CADPS2: variants seen among roughly 807,000 people sequenced by gnomAD.
CADPS2 encodes calcium dependent secretion activator 2.
In CADPS2, 93 loss-of-function variants were observed where a neutral mutation model predicts 172.5. The ratio of observed to expected loss-of-function variants is 0.54; its 90% confidence interval spans 0.46 to 0.64. CADPS2 has a LOEUF of 0.64. Ranked by LOEUF, CADPS2 falls within the 30% of genes least tolerant of loss-of-function variation. The pLI, the probability that CADPS2 is intolerant of heterozygous loss-of-function variation, is 0.00. For synonymous variants in CADPS2, 546 were observed against 555.2 expected (o/e 0.98, Z 0.23); for missense variants, 1,420 against 1,565.9 (o/e 0.91, Z 1.57).
chr7:122,773,350 C>A (rs913592890), intron 1 of CADPS2, among the ~76,000 whole-genome samples: 5 of 151,908 alleles, frequency 3.3e-5, no homozygotes, highest in Non-Finnish European at 5.9e-5. Flanking sequence ...ATAAATCAAT[C>A]TTTAGAAGGT....
intron 17 of CADPS2, among the ~76,000 whole-genome samples, chr7:122,426,965 T>C (rs539211810): frequency 1.6e-4 from 24 of 152,320 alleles, no homozygotes; most frequent in Non-Finnish European, 1.8e-4. Flanking sequence ...TGGATACCTT[T>C]TAGAAAACAG....
chr7:122,336,387 T>C (rs1332083288), intron 28 of CADPS2, among the ~76,000 whole-genome samples: 1 of 152,182 alleles, frequency 6.6e-6, no homozygotes, highest in Non-Finnish European at 1.5e-5. Context: ...CTATCTGTTC[T>C]ATGAAAACAT....
At chr7:122,469,490 A>T (rs1382357900) in intron 14 of CADPS2, among the ~76,000 whole-genome samples, 1 of 152,066 alleles carries the variant, frequency 6.6e-6, no homozygotes, top group East Asian at 1.9e-4. Flanking sequence ...ACAGTTAGCC[A>T]CCCTGACTGA....
At chr7:122,392,285 C>T (rs1201842379) in intron 22 of CADPS2, among the ~76,000 whole-genome samples, 1 of 151,612 alleles carries the variant, frequency 6.6e-6, no homozygotes, top group Non-Finnish European at 1.5e-5. Context: ...GTAATAATAA[C>T]AAAAACAACA....
At chr7:122,332,477 G>A (rs1209546647) in intron 28 of CADPS2, among the ~76,000 whole-genome samples, 1 of 150,954 alleles carries the variant, frequency 6.6e-6, no homozygotes, top group Non-Finnish European at 1.5e-5. Flanking sequence ...CATATTCAGG[G>A]CAATTTTCAT....
chr7:122,462,097 AG>A (rs1480815283), intron 14 of CADPS2, among the ~76,000 whole-genome samples: 1 of 152,262 alleles, frequency 6.6e-6, no homozygotes, highest in Admixed American at 6.5e-5. Context: ...AACATTCTTC[AG>A]AAAAAAGGAA....
intron 3 of CADPS2, among the ~76,000 whole-genome samples, chr7:122,636,931 C>T (rs2077122318): frequency 6.6e-6 from 1 of 152,086 alleles, no homozygotes; most frequent in South Asian, 2.1e-4. Flanking sequence ...GGACTATATC[C>T]TCTAATGTTT....
chr7:122,460,098 T>C (rs1213675387), intron 14 of CADPS2, among the ~76,000 whole-genome samples: 6 of 152,026 alleles, frequency 3.9e-5, no homozygotes, highest in African/African-American at 1.4e-4. Context: ...AAATAATTTT[T>C]TAAATGCAAA....
chr7:122,879,332 T>C (rs1270641849), intron 1 of CADPS2, among the ~76,000 whole-genome samples: 1 of 150,596 alleles, frequency 6.6e-6, no homozygotes, highest in African/African-American at 2.5e-5. Flanking sequence ...GGTCAGGAGT[T>C]CGAGACCAGC....
intron 2 of CADPS2, among the ~76,000 whole-genome samples, chr7:122,693,030 G>A (rs775408873): frequency 2.6e-5 from 4 of 152,202 alleles, no homozygotes; most frequent in Non-Finnish European, 4.4e-5. Context: ...GTGATAACAG[G>A]TGGAGTTATA....
rs202240049 is a variant in CADPS2, at chr7:122,757,701, AACTG to A, written c.340-20637_340-20634del. Among the ~76,000 whole-genome samples the A allele has an allele frequency of 2.7e-3, 415 of 152,130 alleles. 9 individuals carry two copies. In the East Asian group the frequency reaches 0.065, roughly 24 times the overall value. ...AATCCCTAGCTGAGTTTTTTAAAAC[AACTG>A]ACTAACAGCTACTAGATGCCTGTCG... is the stretch of plus-strand genomic sequence containing the variant. On this transcript the variant is annotated intron_variant, in intron 1 of 29. Coordinates refer to ENST00000449022, the MANE Select transcript of CADPS2 (RefSeq NM_017954.11).
chr7:122,775,702 C>G (rs2093858596), intron 1 of CADPS2, among the ~76,000 whole-genome samples: 1 of 152,150 alleles, frequency 6.6e-6, no homozygotes, highest in African/African-American at 2.4e-5. Flanking sequence ...TAAAACATGA[C>G]CATAAGCATG....
chr7:122,574,008 T>C (rs2067618893), intron 7 of CADPS2, among the ~76,000 whole-genome samples: 1 of 151,948 alleles, frequency 6.6e-6, no homozygotes, highest in Non-Finnish European at 1.5e-5. Flanking sequence ...TAAAGACAAA[T>C]CAAATGGCAA....
chr7:122,645,967 T>C (rs1026070212), intron 3 of CADPS2, among the ~76,000 whole-genome samples: 4 of 151,744 alleles, frequency 2.6e-5, no homozygotes, highest in Non-Finnish European at 5.9e-5. Flanking sequence ...TATACTTATC[T>C]CAATAAAATA....
At chr7:122,391,845 G>A (rs748373731) in intron 22 of CADPS2, among the ~76,000 whole-genome samples, 16 of 152,044 alleles carry the variant, frequency 1.1e-4, no homozygotes, top group South Asian at 4.1e-4. Flanking sequence ...TAAACACAAC[G>A]TTCTATGACA....
intron 1 of CADPS2, among the ~76,000 whole-genome samples, chr7:122,799,616 A>G (rs995134125): frequency 4.6e-5 from 7 of 151,564 alleles, no homozygotes; most frequent in East Asian, 1.9e-4. Context: ...AAAAAAAAAA[A>G]AAAAGAAAAG....
At chr7:122,859,127 G>A (rs1272505227) in intron 1 of CADPS2, among the ~76,000 whole-genome samples, 2 of 152,016 alleles carry the variant, frequency 1.3e-5, no homozygotes, top group African/African-American at 4.8e-5. Context: ...CTTACTCTTG[G>A]TTTCTTGTTT....
chr7:122,452,358 T>C (rs1319382470), intron 14 of CADPS2, among the ~76,000 whole-genome samples: 1 of 152,144 alleles, frequency 6.6e-6, no homozygotes. Context: ...CTTTTGCACT[T>C]GATAATTAAC....
chr7:122,414,824 A>AT (rs980117314), intron 18 of CADPS2, among the ~76,000 whole-genome samples: 3 of 152,166 alleles, frequency 2.0e-5, no homozygotes, highest in African/African-American at 7.2e-5. Flanking sequence ...AGTTTCTTAG[A>AT]TTTTTTAGAA....
Sources: gnomAD v4.1 joint callset for allele counts (sites outside exome capture counted in the v4.1 genomes callset) on GRCh38, gnomAD v4.1.1 for gene constraint, MANE v1.5 for transcripts, NCBI Gene and HGNC (gene_info 2026-07-23, HGNC 2026-07-21) for gene names.